The following UPP2 variants were observed in gnomAD, a reference collection of about 807,000 sequenced individuals.
UPP2 encodes UPase 2.
UPP2 carries 23 observed loss-of-function variants against 26.7 expected under a neutral mutation model. The ratio of observed to expected loss-of-function variants is 0.86; its 90% CI spans 0.62 to 1.22. The LOEUF (loss-of-function observed/expected upper bound fraction) is 1.22. Ranked by LOEUF, UPP2 falls within the 50% of genes most tolerant of loss-of-function variation. The pLI, the probability that UPP2 is intolerant of heterozygous loss-of-function variation, is 0.00. For missense variants in UPP2, 387 were observed against 396.7 expected, an observed-to-expected ratio of 0.98 and a Z score of 0.21; for synonymous variants, 127 against 141.3, an observed-to-expected ratio of 0.90 and a Z score of 0.72.
intron 2 of UPP2, among the ~76,000 whole-genome samples, chr2:158,000,682 T>TA (rs1683391304): frequency 6.6e-6 from 1 of 152,252 alleles, no homozygotes; most frequent in Admixed American, 6.5e-5. Flanking sequence ...ATTGGCCTGT[T>TA]AGAGTCACAT....
intron 3 of UPP2, among the ~76,000 whole-genome samples, chr2:158,047,674 C>A (rs1315355195): frequency 2.6e-5 from 4 of 152,164 alleles, no homozygotes; most frequent in African/African-American, 9.7e-5. Flanking sequence ...AAAAACAGAT[C>A]ATGATAGAGC....
intron 3 of UPP2, among the ~76,000 whole-genome samples, chr2:158,026,374 G>A (rs1481579668): frequency 6.6e-6 from 1 of 152,126 alleles, no homozygotes; most frequent in Non-Finnish European, 1.5e-5. Flanking sequence ...TGATTGTTCT[G>A]AGGGACAGCT....
At chr2:158,076,589 T>C (rs1682634265) in intron 3 of UPP2, among the ~76,000 whole-genome samples, 1 of 152,062 alleles carries the variant, frequency 6.6e-6, no homozygotes, top group Admixed American at 6.6e-5. Flanking sequence ...TGTCAATTGA[T>C]GCTGAAAACA....
chr2:158,114,365 G>C (rs1340880347), intron 2 of UPP2, among the ~76,000 whole-genome samples: 2 of 151,784 alleles, frequency 1.3e-5, no homozygotes, highest in African/African-American at 4.9e-5. Context: ...CCTGGGGCTA[G>C]GGTACCCCTA....
At chr2:158,035,506 TA>T (rs1683987867) in intron 3 of UPP2, among the ~76,000 whole-genome samples, 1 of 152,168 alleles carries the variant, frequency 6.6e-6, no homozygotes, top group Non-Finnish European at 1.5e-5. Context: ...ATCAGCATAT[TA>T]TCCCATTCCT....
chr2:158,118,974 G>T (rs920836527), intron 4 of UPP2, among the ~76,000 whole-genome samples: 2 of 151,982 alleles, frequency 1.3e-5, no homozygotes, highest in African/African-American at 4.8e-5. Flanking sequence ...GACCTTTGTG[G>T]ATGTTCATCC....
intron 2 of UPP2, among the ~76,000 whole-genome samples, chr2:158,014,515 A>T (rs1683629620): frequency 6.6e-6 from 1 of 152,276 alleles, no homozygotes; most frequent in Non-Finnish European, 1.5e-5. Flanking sequence ...AAGTACAGTT[A>T]ATCTGGACCT....
chr2:158,052,201 G>T (rs948655198), intron 3 of UPP2, among the ~76,000 whole-genome samples: 1 of 152,170 alleles, frequency 6.6e-6, no homozygotes, highest in African/African-American at 2.4e-5. Flanking sequence ...CTAGGTAAGG[G>T]AATAATGGGA....
At chr2:158,063,533 T>C (rs1427466058) in intron 3 of UPP2, among the ~76,000 whole-genome samples, 5 of 151,870 alleles carry the variant, frequency 3.3e-5, no homozygotes, top group Non-Finnish European at 1.5e-5. Context: ...CATCTCTGCC[T>C]CCTGCCCTGC....
intron 3 of UPP2, chr2:158,065,561 G>C: frequency 1.9e-6 from 1 of 535,388 alleles, no homozygotes; most frequent in East Asian, 4.5e-5. Context: ...CAAATGAACT[G>C]TCCAGCTCCT....
rs371644480 is a variant in UPP2, at chr2:158,134,783, G to A, written c.847G>A (p.Asp283Asn). 1.8e-5 allele frequency: 29 copies of A among 1,612,924 alleles called. No individual in the cohort carries two copies. Among genetic ancestry groups the A allele is most frequent in the African/African-American group, 5.3e-5 (4 of 74,958 alleles). The change falls in exon 7 of 7, where the codon GAC (aspartate) becomes AAC (asparagine). Residue 283 changes from aspartate to asparagine, a missense_variant. Physicochemically the swap from Asp to Asn is conservative, Grantham distance 23. Coordinates refer to ENST00000005756, the MANE Select transcript of UPP2 (RefSeq NM_173355.4). ...VVCVTLLDRL[D>N]CDQINLPHDV... The stretch of plus-strand genomic sequence containing the variant: ...CTGTGTGACACTTCTCGACAGACTC[G>A]ACTGTGATCAGATCAACTTGCCTCA...
intron 3 of UPP2, among the ~76,000 whole-genome samples, chr2:158,044,557 T>A (rs1684124638): frequency 6.6e-6 from 1 of 151,984 alleles, no homozygotes; most frequent in African/African-American, 2.4e-5. Flanking sequence ...TATTACGACA[T>A]TTACAGGGAA....
intron 2 of UPP2, among the ~76,000 whole-genome samples, chr2:158,003,260 G>C (rs1683437892): frequency 6.6e-6 from 1 of 152,082 alleles, no homozygotes; most frequent in African/African-American, 2.4e-5. Flanking sequence ...GGGGTGAGAG[G>C]GTCCGATGCA....
rs1457682728 is a variant in UPP2, at chr2:158,123,815, G to C, written c.731G>C (p.Arg244Thr). ...SREKKLDYLKRAFKAGVRNIE... is the reference protein window; with the variant it reads ...SREKKLDYLKTAFKAGVRNIE... ...GAAAAAAAGTTAGACTACTTGAAGA[G>C]AGCATTTAAAGCTGGTGTCAGGAAT... Residue 244 changes from arginine (R) to threonine (T), a missense_variant, in exon 6 of 7, where the codon AGA becomes ACA. Physicochemically the swap from Arg to Thr is moderately conservative, Grantham distance 71 (BLOSUM62 -1). Transcript: ENST00000005756. 4 of 1,614,102 alleles carry C rather than the reference G, an allele frequency of 2.5e-6. No individual in the cohort carries two copies. The highest frequency in any genetic ancestry group is 1.7e-5 in the Admixed American group (1 of 60,024).
chr2:158,047,436 T>C (rs1684172318), intron 3 of UPP2, among the ~76,000 whole-genome samples: 2 of 152,194 alleles, frequency 1.3e-5, no homozygotes, highest in Non-Finnish European at 2.9e-5. Context: ...TTTTTCCCAG[T>C]TTATGTGTCA....
intron 3 of UPP2, among the ~76,000 whole-genome samples, chr2:158,067,276 C>A (rs1304323388): frequency 6.6e-6 from 1 of 150,406 alleles, no homozygotes; most frequent in African/African-American, 2.4e-5. Context: ...GGTTTTAGTT[C>A]TGTGGGAGAA....
At chr2:158,003,113 G>T (rs1343040930) in intron 2 of UPP2, among the ~76,000 whole-genome samples, 1 of 152,164 alleles carries the variant, frequency 6.6e-6, no homozygotes, top group African/African-American at 2.4e-5. Context: ...GGGCAAGGGA[G>T]CTGTCTTTGT....
chr2:158,043,037 CT>C (rs1684102827), intron 3 of UPP2, among the ~76,000 whole-genome samples: 1 of 152,220 alleles, frequency 6.6e-6, no homozygotes, highest in African/African-American at 2.4e-5. Context: ...ATGCTTGTAG[CT>C]TTTCATTTAG....
chr2:158,134,336 T>C (rs941917411), intron 6 of UPP2, among the ~76,000 whole-genome samples: 2 of 152,128 alleles, frequency 1.3e-5, no homozygotes, highest in Non-Finnish European at 2.9e-5. Context: ...AGGAGAAAAA[T>C]GTCACCTTGG....
Sources: allele counts gnomAD v4.1 joint callset (sites outside exome capture counted in the v4.1 genomes callset), GRCh38; gene constraint gnomAD v4.1.1; transcripts MANE v1.5; gene names NCBI Gene and HGNC (gene_info 2026-07-23, HGNC 2026-07-21).